The following FAM78B variants were observed in gnomAD, a reference collection of about 807,000 sequenced individuals.
FAM78B encodes the protein family with sequence similarity 78 member B, also known as protein FAM78B.
A neutral mutation model predicts 20.0 loss-of-function variants in FAM78B; 10 were observed. The ratio of observed to expected loss-of-function variants is 0.50; its 90% CI spans 0.31 to 0.85. FAM78B has a LOEUF of 0.85. FAM78B is among the 40% of genes least tolerant of loss of function. The pLI is 0.05. For missense variants in FAM78B, 283 were observed against 345.0 expected (o/e 0.82, Z 1.42); for synonymous variants, 135 against 132.8 (o/e 1.02, Z -0.12).
At chr1:166,067,975 AG>A (rs1557886640), downstream of FAM78B, among the ~76,000 whole-genome samples, 1 of 152,206 alleles carries the variant, frequency 6.6e-6, no homozygotes, top group Non-Finnish European at 1.5e-5. Context: ...CTTCTGAAAA[AG>A]TTATTTGTAA....
At chr1:166,158,386 T>A (rs1225333436) in intron 1 of FAM78B, among the ~76,000 whole-genome samples, 30 of 152,212 alleles carry the variant, frequency 2.0e-4, no homozygotes, top group Admixed American at 2.0e-3. Flanking sequence ...TCAGAGCACA[T>A]GAGCTAGACT....
At chr1:166,094,035 G>C (rs12138527) in intron 1 of FAM78B, among the ~76,000 whole-genome samples, 84,896 of 146,402 alleles carry the variant, frequency 0.58, 26,182 homozygotes, top group Non-Finnish European at 0.69. Context: ...GTGTGTGTGT[G>C]TGTGTGTGTG....
chr1:166,145,732 T>G (rs1430084852), intron 1 of FAM78B, among the ~76,000 whole-genome samples: 1 of 152,220 alleles, frequency 6.6e-6, no homozygotes, highest in East Asian at 1.9e-4. Context: ...ACGCAAGCTT[T>G]TCAAATGAAA....
intron 2 of FAM78B, among the ~76,000 whole-genome samples, chr1:166,063,362 G>C (rs1200610691): frequency 6.6e-6 from 1 of 152,132 alleles, no homozygotes; most frequent in Admixed American, 6.5e-5. Context: ...AGCAGGGCTG[G>C]GACTAGGGGA....
chr1:166,128,242 A>G, intron 1 of FAM78B, among the ~76,000 whole-genome samples: 1 of 152,030 alleles, frequency 6.6e-6, no homozygotes, highest in African/African-American at 2.4e-5. Flanking sequence ...TTTCCTCATT[A>G]ATTTTATACA....
chr1:166,116,346 G>C (rs1654253732), intron 1 of FAM78B, among the ~76,000 whole-genome samples: 1 of 152,166 alleles, frequency 6.6e-6, no homozygotes, highest in East Asian at 1.9e-4. Flanking sequence ...CAGGTGCTTG[G>C]TCACCCTGCA....
At chr1:166,138,220 C>T (rs921433142) in intron 1 of FAM78B, among the ~76,000 whole-genome samples, 3 of 152,032 alleles carry the variant, frequency 2.0e-5, no homozygotes, top group African/African-American at 7.2e-5. Context: ...CCTACTTCTG[C>T]CCCTCCTCAC....
intron 1 of FAM78B, among the ~76,000 whole-genome samples, chr1:166,124,619 T>C (rs1027759707): frequency 7.9e-5 from 12 of 152,206 alleles, no homozygotes; most frequent in African/African-American, 2.7e-4. Context: ...AGTTCTGCTT[T>C]AGAAATAATT....
At chr1:166,059,814 T>A (rs1306205498) in exon 3 of FAM78B, 1 of 151,980 alleles carries the variant, frequency 6.6e-6, no homozygotes, top group Admixed American at 6.6e-5. Context: ...AGGAGAAAAA[T>A]TTCCCTCTCT....
chr1:166,159,554 TGATGCCTCTGCA>T (rs939964511), intron 1 of FAM78B, among the ~76,000 whole-genome samples: 3 of 152,116 alleles, frequency 2.0e-5, no homozygotes, highest in African/African-American at 7.2e-5. Flanking sequence ...ACCTGGAACA[TGATGCCTCTGCA>T]GACCTGCCCC....
In FAM78B at chr1:166,141,739, T is replaced by C. The variant is rs559715325; in HGVS notation, c.263+24247A>G. 9.2e-5 allele frequency among the ~76,000 whole-genome samples: 14 copies of C among 152,362 alleles called. No individual in the cohort carries two copies. In the South Asian group the frequency reaches 2.7e-3, roughly 29 times the overall value. Reference sequence around the variant, plus strand: ...ATAAGTGGCAGTTACCTCTGGTGGCTACCCAATGCACAGTCCATCACAGCT... The same window carrying C: ...ATAAGTGGCAGTTACCTCTGGTGGCCACCCAATGCACAGTCCATCACAGCT... On this transcript the variant is annotated intron_variant, in intron 1 of 1. Transcript: ENST00000354422.
chr1:166,109,862 G>A (rs10918365), intron 1 of FAM78B, among the ~76,000 whole-genome samples: 6,296 of 15,588 alleles, frequency 0.4, 1,737 homozygotes, highest in Non-Finnish European at 0.47. Flanking sequence ...ATATATATAT[G>A]TATGTGTATA....
intron 1 of FAM78B, among the ~76,000 whole-genome samples, chr1:166,117,304 C>T (rs1571177935): frequency 6.6e-6 from 1 of 152,280 alleles, no homozygotes; most frequent in East Asian, 1.9e-4. Flanking sequence ...TTTGCTGTTG[C>T]TGTAAATACA....
chr1:166,103,374 A>G lies in FAM78B; in HGVS notation c.264-32611T>C, dbSNP rs372893673. Among the ~76,000 whole-genome samples the G allele has an allele frequency of 3.3e-5, 5 of 152,230 alleles. No individual in the cohort carries two copies. In the East Asian group the frequency reaches 9.6e-4, roughly 29 times the overall value. ...AGATCAGAGCAGAACTGAAGGAAAT[A>G]GAGACACAAAAAACCCTTCAAAAAA... On this transcript the variant is annotated intron_variant, in intron 1 of 1. Coordinates refer to ENST00000354422, the MANE Select transcript of FAM78B (RefSeq NM_001017961.5).
chr1:166,090,851 G>GTGTT (rs1282740344), intron 1 of FAM78B, among the ~76,000 whole-genome samples: 1 of 152,248 alleles, frequency 6.6e-6, no homozygotes, highest in East Asian at 1.9e-4. Flanking sequence ...ATGATGGCTA[G>GTGTT]TGTTTATTGA....
chr1:166,121,717 A>AACAACTCT (rs1654470524), intron 1 of FAM78B, among the ~76,000 whole-genome samples: 2 of 152,148 alleles, frequency 1.3e-5, no homozygotes. Flanking sequence ...TAATCCTCCT[A>AACAACTCT]ACAACTCTAT....
At chr1:166,148,217 TA>T (rs770044141) in intron 1 of FAM78B, among the ~76,000 whole-genome samples, 1 of 152,252 alleles carries the variant, frequency 6.6e-6, no homozygotes, top group East Asian at 1.9e-4. Context: ...GGCTAAAAGA[TA>T]AATCTTGAAA....
At chr1:166,139,706 C>A (rs1340723772) in intron 1 of FAM78B, among the ~76,000 whole-genome samples, 7 of 152,170 alleles carry the variant, frequency 4.6e-5, no homozygotes, top group African/African-American at 1.7e-4. Flanking sequence ...GAGGAGGCTG[C>A]AGGGCTGGTC....
chr1:166,131,891 A>G (rs1177525571), intron 1 of FAM78B, among the ~76,000 whole-genome samples: 2 of 152,204 alleles, frequency 1.3e-5, no homozygotes, highest in African/African-American at 2.4e-5. Flanking sequence ...GAAAATAGTC[A>G]GCTGGGGGCA....
Sources: allele counts gnomAD v4.1 joint callset (sites outside exome capture counted in the v4.1 genomes callset), GRCh38; gene constraint gnomAD v4.1.1; transcripts MANE v1.5; gene names NCBI Gene and HGNC (gene_info 2026-07-23, HGNC 2026-07-21).